Variants in LARP4B observed in about 807,000 individuals in gnomAD.
LARP4B encodes la-related protein 4B.
In LARP4B, 12 loss-of-function variants were observed where a neutral mutation model predicts 89.8. The ratio of observed to expected loss-of-function variants is 0.13; its 90% CI spans 0.09 to 0.22. LARP4B has a LOEUF of 0.22. Ranked by LOEUF, LARP4B falls within the 10% of genes least tolerant of loss-of-function variation. The pLI, the probability that LARP4B is intolerant of heterozygous loss-of-function variation, is 1.00. For synonymous variants in LARP4B, 367 were observed against 363.3 expected (o/e 1.01, Z -0.12); for missense variants, 757 against 947.7 (o/e 0.80, Z 2.64).
the LARP4B span, among the ~76,000 whole-genome samples, chr10:964,176 C>T: frequency 5.3e-5 from 8 of 152,200 alleles, no homozygotes; most frequent in Admixed American, 1.3e-4. Context: ...AGATGATTCT[C>T]CTGCCTCAGC....
At chr10:816,880 G>A (rs1832090496) in intron 15 of LARP4B, among the ~76,000 whole-genome samples, 1 of 152,124 alleles carries the variant, frequency 6.6e-6, no homozygotes, top group Admixed American at 6.5e-5. Context: ...ATCTACTGCG[G>A]GGCCTTCCCT....
chr10:959,877 ACCT>A, the LARP4B span, among the ~76,000 whole-genome samples: 1 of 64,124 alleles, frequency 1.6e-5, no homozygotes, highest in Non-Finnish European at 3.1e-5. Flanking sequence ...TCGTCAATCC[ACCT>A]CCTCGTCAAT....
chr10:895,078 C>G (rs35394603), intron 1 of LARP4B, among the ~76,000 whole-genome samples: 2 of 151,902 alleles, frequency 1.3e-5, no homozygotes, highest in African/African-American at 4.8e-5. Flanking sequence ...CCCAGCTACT[C>G]GAGAGGCTAA....
intron 3 of LARP4B, among the ~76,000 whole-genome samples, chr10:883,233 C>T (rs1029038212): frequency 5.3e-5 from 8 of 152,182 alleles, no homozygotes; most frequent in Non-Finnish European, 1.0e-4. Flanking sequence ...CAATGTGCAC[C>T]GGGCACGGTG....
chr10:818,258 C>T (rs2131607959), intron 14 of LARP4B: 1 of 176,394 alleles, frequency 5.7e-6, no homozygotes, highest in African/African-American at 2.3e-5. Context: ...CAGCCTGAGT[C>T]TAGACATTAA....
At chr10:912,034 G>A (rs892162235) in intron 1 of LARP4B, among the ~76,000 whole-genome samples, 5 of 152,332 alleles carry the variant, frequency 3.3e-5, no homozygotes, top group South Asian at 4.1e-4. Flanking sequence ...GTCACAGTGG[G>A]CTGACTGGGC....
the LARP4B span, among the ~76,000 whole-genome samples, chr10:959,240 T>A: frequency 2.0e-5 from 3 of 152,108 alleles, no homozygotes; most frequent in Middle Eastern, 6.3e-3. Flanking sequence ...ATATGCGTAT[T>A]CTCCCCTAGT....
intron 1 of LARP4B, among the ~76,000 whole-genome samples, chr10:925,240 C>T (rs1837105617): frequency 6.6e-6 from 1 of 152,258 alleles, no homozygotes; most frequent in South Asian, 2.1e-4. Context: ...ACGGGCCTTA[C>T]AGAAAAATCC....
At chr10:909,103 G>A (rs1252619350) in intron 1 of LARP4B, among the ~76,000 whole-genome samples, 5 of 151,922 alleles carry the variant, frequency 3.3e-5, no homozygotes, top group South Asian at 2.1e-4. Context: ...GATCATCCTG[G>A]CTAACACGGT....
intron 5 of LARP4B, among the ~76,000 whole-genome samples, chr10:851,123 G>A (rs1170985566): frequency 7.0e-6 from 1 of 143,168 alleles, no homozygotes; most frequent in African/African-American, 2.6e-5. Context: ...TCAGAAGAAA[G>A]AATGAAATAG....
intron 14 of LARP4B, chr10:820,553 T>C: frequency 2.1e-6 from 1 of 471,786 alleles, no homozygotes; most frequent in East Asian, 3.5e-5. Flanking sequence ...TGGCCATGCC[T>C]GTGCCACAGC....
chr10:817,601 G>A (rs1832129451), intron 15 of LARP4B, 124 bp downstream of exon 15: 4 of 913,102 alleles, frequency 4.4e-6, no homozygotes, highest in Middle Eastern at 2.3e-4. Context: ...CTGCAATCAC[G>A]TGGCCTCCAA....
At chr10:945,453 A>G in the LARP4B span, among the ~76,000 whole-genome samples, 624 of 151,648 alleles carry the variant, frequency 4.1e-3, 2 homozygotes, top group Non-Finnish European at 4.5e-3. Context: ...TTGGGAGGCC[A>G]AGGCGGGTGG....
chr10:824,606 T>C (rs561742248), intron 13 of LARP4B, among the ~76,000 whole-genome samples: 1 of 152,386 alleles, frequency 6.6e-6, no homozygotes, highest in East Asian at 1.9e-4. Flanking sequence ...AGACCCGTCC[T>C]GGCTAGTCTC....
chr10:818,050 C>T, intron 14 of LARP4B, 161 bp from the exon 15 acceptor site: 1 of 640,680 alleles, frequency 1.6e-6, no homozygotes, highest in South Asian at 2.1e-5. Context: ...GCAACTTCAA[C>T]CATCTAGAGC....
At chr10:840,317 G>A (rs1161542686) in intron 7 of LARP4B, among the ~76,000 whole-genome samples, 2 of 152,086 alleles carry the variant, frequency 1.3e-5, no homozygotes, top group African/African-American at 4.8e-5. Context: ...CCCCCATGAC[G>A]TGACACTGAA....
chr10:829,720 A>T lies in LARP4B; in HGVS notation c.876T>A (p.Leu292=), dbSNP rs781064943. ...CTTGAAAAGTTTTGACTTCTTCTCG[A>T]AGGTATTTGTAAGCCTAAGGGCAAA... is the stretch of plus-strand genomic sequence containing the variant. The part of the protein sequence containing the change: ...EADAQQAYKY[L]REEVKTFQGK... Residue 292 remains leucine (L), a synonymous_variant, in exon 10 of 18, where the codon CTT becomes CTA. Transcript: ENST00000316157. 16 of 1,612,412 alleles carry T rather than the reference A, an allele frequency of 9.9e-6. No homozygotes were observed. The Admixed American group carries it at 2.3e-4, about 24-fold the overall frequency.
the LARP4B span, among the ~76,000 whole-genome samples, chr10:956,547 G>A: frequency 3.3e-5 from 5 of 152,066 alleles, no homozygotes; most frequent in Middle Eastern, 3.4e-3. This position sits in a 1 kb window ranked among gnomAD's most constrained non-coding sequence, Gnocchi z 4.3. Flanking sequence ...GAGTTTCACC[G>A]TGTTAGCCAG....
chr10:868,528 G>A (rs1835033787), intron 3 of LARP4B, among the ~76,000 whole-genome samples: 1 of 152,166 alleles, frequency 6.6e-6, no homozygotes, highest in African/African-American at 2.4e-5. Context: ...AAAACTGGAA[G>A]CACACCTCTC....
Sources: gnomAD v4.1 joint callset for allele counts (sites outside exome capture counted in the v4.1 genomes callset) on GRCh38, gnomAD v4.1.1 for gene constraint, Gnocchi (gnomAD v3.1) non-coding constraint, MANE v1.5 for transcripts, NCBI Gene and HGNC (gene_info 2026-07-23, HGNC 2026-07-21) for gene names.